Variants in TSNARE1 observed in about 807,000 individuals in gnomAD.
The protein encoded by TSNARE1 is t-SNARE domain-containing protein 1.
A neutral mutation model predicts 62.0 loss-of-function variants in TSNARE1; 49 were observed. The observed-to-expected ratio is 0.79, with a 90% CI of 0.63 to 1.00. TSNARE1 has a LOEUF of 1.00. Among genes scored for constraint, TSNARE1 ranks in the 50% least tolerant of loss-of-function variants. The pLI, the probability that TSNARE1 is intolerant of heterozygous loss-of-function variation, is 0.00. For missense variants in TSNARE1, 755 were observed against 700.1 expected (o/e 1.08, Z -0.88); for synonymous variants, 328 against 294.4 (o/e 1.11, Z -1.17).
chr8:142,251,846 G>A (rs965731499), intron 12 of TSNARE1, among the ~76,000 whole-genome samples: 13 of 146,352 alleles, frequency 8.9e-5, no homozygotes, highest in African/African-American at 2.3e-4. Flanking sequence ...TGCAGGGCCC[G>A]GGCACCATGT....
intron 12 of TSNARE1, chr8:142,273,693 C>G (rs993870685): frequency 1.0e-6 from 1 of 985,334 alleles, no homozygotes; most frequent in African/African-American, 1.7e-5. Flanking sequence ...TTACCACACA[C>G]TCCCACAGTG....
chr8:142,242,576 CA>C (rs1220729255), intron 12 of TSNARE1, among the ~76,000 whole-genome samples: 1 of 152,148 alleles, frequency 6.6e-6, no homozygotes, highest in Non-Finnish European at 1.5e-5. Context: ...AGCAAGAAGA[CA>C]AATAACCTGA....
chr8:142,374,916 C>A (rs1236379412), intron 1 of TSNARE1, among the ~76,000 whole-genome samples: 1 of 152,170 alleles, frequency 6.6e-6, no homozygotes, highest in Non-Finnish European at 1.5e-5. Flanking sequence ...CCAAACCAAT[C>A]CACATTTGAC....
intron 9 of TSNARE1, among the ~76,000 whole-genome samples, chr8:142,308,395 G>A (rs950610124): frequency 2.0e-5 from 3 of 152,166 alleles, no homozygotes; most frequent in Admixed American, 6.5e-5. Flanking sequence ...GTGAGCTGAC[G>A]TTTGCAAAGG....
upstream of TSNARE1, chr8:142,405,944 T>C (rs1838578053): frequency 2.0e-5 from 3 of 152,276 alleles, no homozygotes; most frequent in African/African-American, 7.2e-5. Flanking sequence ...AACCCCAGTT[T>C]TGTTCAAGGC....
At chr8:142,252,947 G>A (rs533112956) in intron 12 of TSNARE1, among the ~76,000 whole-genome samples, 10 of 152,328 alleles carry the variant, frequency 6.6e-5, no homozygotes, top group African/African-American at 2.4e-4. Context: ...CCTGCTCTGC[G>A]TCCACTCCGG....
At chr8:142,271,434 A>C in intron 12 of TSNARE1, 1 of 1,252,766 alleles carries the variant, frequency 8.0e-7, no homozygotes, top group Non-Finnish European at 1.0e-6. Flanking sequence ...TCAAATGCGG[A>C]CGTTTCAGAT....
In TSNARE1 at chr8:142,300,661, G is replaced by C. The variant is rs369328038; in HGVS notation, c.1132-17C>G. On this transcript the variant is annotated splice_polypyrimidine_tract_variant and intron_variant, in intron 9 of 13. Coordinates refer to ENST00000524325, the MANE Select transcript of TSNARE1 (RefSeq NM_145003.5). ...CTGGGGACTCTGCTGATGACAGACA[G>C]ATCTTGTTAGCACTGACCCCTCCCA... The C allele has an allele frequency of 6.2e-6, 10 of 1,608,600 alleles. No homozygotes were observed. The highest frequency in any genetic ancestry group is 1.3e-5 in the African/African-American group (1 of 74,884).
At chr8:142,359,051 CTGTT>C (rs1834961144) in intron 1 of TSNARE1, among the ~76,000 whole-genome samples, 1 of 152,124 alleles carries the variant, frequency 6.6e-6, no homozygotes, top group Non-Finnish European at 1.5e-5. Flanking sequence ...GGGGTTCTGC[CTGTT>C]TCACCCAGGC....
chr8:142,271,671 G>A, intron 12 of TSNARE1: 2 of 1,393,678 alleles, frequency 1.4e-6, no homozygotes, highest in South Asian at 1.6e-5. Context: ...AAGCAGCTGG[G>A]GGTCTCGTCC....
At chr8:142,244,940 G>A (rs770300417) in intron 12 of TSNARE1, among the ~76,000 whole-genome samples, 3 of 152,140 alleles carry the variant, frequency 2.0e-5, no homozygotes, top group African/African-American at 7.2e-5. Context: ...CTTTGAGGTC[G>A]GAGCCCACGC....
chr8:142,377,823 T>A (rs1836456782), intron 1 of TSNARE1, among the ~76,000 whole-genome samples: 1 of 152,190 alleles, frequency 6.6e-6, no homozygotes, highest in Non-Finnish European at 1.5e-5. Flanking sequence ...AAAAATCAAG[T>A]AGCTGGAAAC....
intron 1 of TSNARE1, among the ~76,000 whole-genome samples, chr8:142,363,121 C>T (rs1248962730): frequency 3.3e-5 from 5 of 152,182 alleles, no homozygotes. Context: ...GTCATCTCCC[C>T]ACGTGGCTGT....
intron 13 of TSNARE1, among the ~76,000 whole-genome samples, chr8:142,220,387 T>TCCTC (rs996115063): frequency 5.3e-5 from 8 of 152,158 alleles, no homozygotes; most frequent in African/African-American, 1.9e-4. Context: ...TCAGCGGTGG[T>TCCTC]CCTCAGGGCA....
chr8:142,354,587 C>T (rs564052829), intron 2 of TSNARE1, 50 bp downstream of exon 2: 5 of 1,331,018 alleles, frequency 3.8e-6, no homozygotes, highest in Admixed American at 1.8e-5. Flanking sequence ...TCCTACCCTA[C>T]CCACTACCAT....
At chr8:142,218,453 CTGGTCTGGTTGGGAACAG>C (rs1816050850) in intron 13 of TSNARE1, among the ~76,000 whole-genome samples, 1 of 152,212 alleles carries the variant, frequency 6.6e-6, no homozygotes, top group African/African-American at 2.4e-5. Flanking sequence ...CACTCAGAGC[CTGGTCTGGTTGGGAACAG>C]TGCCCATCCC....
intron 9 of TSNARE1, among the ~76,000 whole-genome samples, chr8:142,311,287 C>CTA (rs1827538883): frequency 9.1e-6 from 1 of 109,506 alleles, no homozygotes; most frequent in African/African-American, 4.1e-5. Flanking sequence ...CTCAGCCTCT[C>CTA]TAGTTTTTTT....
chr8:142,321,964 A>G (rs1440351919), intron 6 of TSNARE1, among the ~76,000 whole-genome samples: 3 of 152,196 alleles, frequency 2.0e-5, no homozygotes, highest in East Asian at 1.9e-4. Context: ...AGAAACCCAT[A>G]TATCACTCAC....
chr8:142,293,058 G>A (rs1014840640), intron 10 of TSNARE1, among the ~76,000 whole-genome samples: 8 of 152,156 alleles, frequency 5.3e-5, no homozygotes, highest in East Asian at 1.9e-4. Context: ...CCAGGACTCC[G>A]GAACCTCCTA....
Sources: allele counts gnomAD v4.1 joint callset (sites outside exome capture counted in the v4.1 genomes callset), GRCh38; gene constraint gnomAD v4.1.1; transcripts MANE v1.5; gene names NCBI Gene and HGNC (gene_info 2026-07-23, HGNC 2026-07-21).